ANAPC4: variants seen among roughly 807,000 people sequenced by gnomAD.
ANAPC4 encodes anaphase-promoting complex subunit 4.
In ANAPC4, 63 loss-of-function variants were observed where a neutral mutation model predicts 119.8. That is an observed-to-expected ratio of 0.53 (90% CI 0.43 to 0.65). The LOEUF is 0.65. Ranked by LOEUF, ANAPC4 falls within the 30% of genes least tolerant of loss-of-function variation. The pLI is 0.00. For synonymous variants in ANAPC4, 283 were observed against 318.6 expected (o/e 0.89, Z 1.19); for missense variants, 716 against 945.1 (o/e 0.76, Z 3.18).
chr4:25,398,664 A>G (rs905312201), intron 16 of ANAPC4, among the ~76,000 whole-genome samples: 1 of 152,176 alleles, frequency 6.6e-6, no homozygotes, highest in African/African-American at 2.4e-5. Flanking sequence ...TTTAGGCTTC[A>G]GAAAGATCCC....
In ANAPC4 at chr4:25,409,821, AT is replaced by A. The variant is rs778483133; in HGVS notation, c.1525+35del. 5 of 1,570,202 alleles carry A rather than the reference AT, an allele frequency of 3.2e-6. No homozygotes were observed. The South Asian group carries it at 5.6e-5, about 18-fold the overall frequency. On this transcript the variant is annotated intron_variant, in intron 21 of 28. Transcript: ENST00000315368. ...TTCATGAACCAACCAGATTTTGGCC[AT>A]TTTTGTTTTTATTTAAGACTAGGTC...
In ANAPC4 at chr4:25,383,133, A is replaced by G; in HGVS notation, c.236-128A>G. 6.2e-6 allele frequency: 5 copies of G among 803,178 alleles called. No homozygotes were observed. The South Asian group carries it at 1.5e-4, about 24-fold the overall frequency. 49.8% of individuals were successfully genotyped at this position (803,178 alleles called of 1,614,324 possible). A position where few individuals can be genotyped will look rare whatever the true frequency, so the allele number is the denominator to read the frequency against. The stretch of plus-strand genomic sequence containing the variant: ...TTTTTAGTTTTTAAAATATTGAAGG[A>G]TGTTTAGGTCAAAAATTGCCATGAT... On this transcript the variant is annotated intron_variant, in intron 3 of 28. Coordinates refer to ENST00000315368, the MANE Select transcript of ANAPC4 (RefSeq NM_013367.3).
intron 16 of ANAPC4, among the ~76,000 whole-genome samples, chr4:25,401,719 AT>A (rs1216691726): frequency 6.6e-6 from 1 of 152,138 alleles, no homozygotes; most frequent in Non-Finnish European, 1.5e-5. Context: ...CTGAAATTTA[AT>A]TTCTTTTCTA....
intron 16 of ANAPC4, among the ~76,000 whole-genome samples, chr4:25,397,260 T>C (rs898138431): frequency 2.6e-5 from 4 of 152,244 alleles, no homozygotes; most frequent in African/African-American, 9.6e-5. Flanking sequence ...TTTCTTAGAC[T>C]GTTAGGCTTG....
intron 14 of ANAPC4, chr4:25,395,110 T>C: frequency 2.0e-6 from 1 of 507,256 alleles, no homozygotes; most frequent in Non-Finnish European, 3.5e-6. Context: ...TTTTCCAACA[T>C]CTTTTCACCA....
intron 25 of ANAPC4, 76 bp downstream of exon 25, chr4:25,414,776 G>T: frequency 7.8e-7 from 1 of 1,280,482 alleles, no homozygotes. Context: ...CAGCCTTCCA[G>T]CATTTCAGAT....
intron 12 of ANAPC4, 132 bp from the exon 13 acceptor site, chr4:25,394,539 A>C: frequency 2.8e-6 from 3 of 1,082,642 alleles, no homozygotes; most frequent in Non-Finnish European, 3.9e-6. Flanking sequence ...GTGATGTTAC[A>C]TGCGTAGAAT....
At chr4:25,392,654 A>G (rs1722413119) in intron 10 of ANAPC4, among the ~76,000 whole-genome samples, 1 of 151,774 alleles carries the variant, frequency 6.6e-6, no homozygotes, top group Non-Finnish European at 1.5e-5. Context: ...AAATACTCCC[A>G]TAAATAAAAT....
At chr4:25,380,848 TTTTC>T (rs2109108289) in intron 3 of ANAPC4, among the ~76,000 whole-genome samples, 1 of 152,354 alleles carries the variant, frequency 6.6e-6, no homozygotes, top group African/African-American at 2.4e-5. Context: ...ATCATGGCCT[TTTTC>T]TTTCACAATA....
Position 25,418,416 on chromosome 4 carries a change from C to T in ANAPC4, c.*34C>T. ...GCCATTATTGTGTGTGTAATTATGG[C>T]CAAAAGGACATAGGAGATGGACTAA... On this transcript the variant is annotated 3_prime_UTR_variant, in exon 29 of 29. Coordinates refer to ENST00000315368, the MANE Select transcript of ANAPC4 (RefSeq NM_013367.3). 1.3e-6 allele frequency: 2 copies of T among 1,585,368 alleles called. No homozygotes were observed. The highest frequency in any genetic ancestry group is 1.7e-6 in the Non-Finnish European group (2 of 1,156,170).
rs976969200 is a variant in ANAPC4 at position 25,405,065 on chromosome 4, A to G, written c.1271-508A>G. Among the ~76,000 whole-genome samples the G allele has an allele frequency of 6.6e-6, 1 of 151,670 alleles. No homozygotes were observed. The highest frequency in any genetic ancestry group is 6.6e-5 in the Admixed American group (1 of 15,172). On this transcript the variant is annotated intron_variant, in intron 17 of 28. Transcript: ENST00000315368. The surrounding 1 kb of genome is among the most constrained non-coding windows in gnomAD (Gnocchi z 4.6). ...AGGTGGAACGTAATACAAAACACAT[A>G]GTACTGATGAGGACAATCCTGTGAA...
At position 25,394,704 on chromosome 4, in the gene ANAPC4, A is replaced by G; in HGVS notation, c.975A>G (p.Leu325=). ...AELQTLLMNQ[L]TVKGLKKLGQ... is the part of the protein sequence containing the mutation. ...TTCAGACTCTCTTGATGAATCAGTTAACAGTAAAGGTGCAGTTAATGTATC... is the reference window on the plus strand; with the variant it reads ...TTCAGACTCTCTTGATGAATCAGTTGACAGTAAAGGTGCAGTTAATGTATC... The change falls in exon 13 of 29, where the codon TTA becomes TTG. Residue 325 remains leucine, a synonymous_variant. Transcript: ENST00000315368. The G allele has an allele frequency of 6.2e-7, 1 of 1,604,048 alleles. No individual in the cohort carries two copies. Among genetic ancestry groups the G allele is most frequent in the Non-Finnish European group, 8.5e-7 (1 of 1,177,462 alleles).
At chr4:25,392,945 G>A (rs1022679879) in intron 10 of ANAPC4, among the ~76,000 whole-genome samples, 11 of 152,110 alleles carry the variant, frequency 7.2e-5, no homozygotes, top group African/African-American at 2.7e-4. Context: ...TGGTGGTAAC[G>A]GGGCATCGAG....
intron 9 of ANAPC4, among the ~76,000 whole-genome samples, chr4:25,391,263 T>C (rs984073397): frequency 3.9e-5 from 6 of 152,236 alleles, no homozygotes; most frequent in East Asian, 3.8e-4. Flanking sequence ...AATTTGTTGC[T>C]ATTCCAGTTT....
intron 16 of ANAPC4, among the ~76,000 whole-genome samples, chr4:25,398,687 GA>G (rs1362020318): frequency 2.0e-5 from 3 of 152,172 alleles, no homozygotes; most frequent in Admixed American, 1.3e-4. Flanking sequence ...TTGCTGCTCA[GA>G]GTTGAGAATA....
At position 25,418,178 on chromosome 4, in the gene ANAPC4, G is replaced by A. The variant is rs1457712074; in HGVS notation, c.2223G>A (p.Val741=). The A allele has an allele frequency of 6.2e-7, 1 of 1,613,668 alleles. No individual in the cohort carries two copies. Among genetic ancestry groups the A allele is most frequent in the Non-Finnish European group, 8.5e-7 (1 of 1,179,898 alleles). ...SCVLSSNLRH[V]RVFEMDIDDE... Reference sequence around the variant, plus strand: ...AGTTAAGCTCAAATCTTCGTCATGTGAGAGTATTTGAAATGGACATAGATG... The same window carrying A: ...AGTTAAGCTCAAATCTTCGTCATGTAAGAGTATTTGAAATGGACATAGATG... Residue 741 remains valine, a synonymous_variant, in exon 29 of 29, where the codon GTG becomes GTA. Transcript: ENST00000315368.
intron 18 of ANAPC4, among the ~76,000 whole-genome samples, chr4:25,406,293 A>G (rs1577393801): frequency 6.6e-6 from 1 of 152,204 alleles, no homozygotes; most frequent in Non-Finnish European, 1.5e-5. Flanking sequence ...AAGTTTCACA[A>G]TAGTTGTTTT....
At chr4:25,408,417 C>T (rs1723381856) in intron 20 of ANAPC4, among the ~76,000 whole-genome samples, 1 of 151,998 alleles carries the variant, frequency 6.6e-6, no homozygotes. Flanking sequence ...GTTCTAAATG[C>T]CGCCACCTTT....
intron 26 of ANAPC4, 67 bp from the exon 27 acceptor site, chr4:25,416,358 C>A: frequency 1.8e-6 from 2 of 1,116,174 alleles, no homozygotes; most frequent in Non-Finnish European, 2.4e-6. Context: ...GCCAGTATAA[C>A]ATGCATACAA....
Sources: allele counts gnomAD v4.1 joint callset (sites outside exome capture counted in the v4.1 genomes callset), GRCh38; gene constraint gnomAD v4.1.1; non-coding constraint Gnocchi (gnomAD v3.1); transcripts MANE v1.5; gene names NCBI Gene and HGNC (gene_info 2026-07-23, HGNC 2026-07-21).